Variants in CNTLN observed in about 807,000 individuals in gnomAD.
The protein encoded by CNTLN is centlein.
In CNTLN, 212 loss-of-function variants were observed where a neutral mutation model predicts 180.0. The ratio of observed to expected loss-of-function variants is 1.18; its 90% CI spans 1.05 to 1.32. The LOEUF is 1.32. Ranked by LOEUF, CNTLN falls within the 40% of genes most tolerant of loss-of-function variation. CNTLN has a pLI of 0.00. For synonymous variants in CNTLN, 722 were observed against 563.1 expected (o/e 1.28, Z -3.99); for missense variants, 2,095 against 1,610.9 (o/e 1.30, Z -5.14).
At chr9:17,373,872 A>G (rs1303247098) in intron 13 of CNTLN, among the ~76,000 whole-genome samples, 1 of 152,210 alleles carries the variant, frequency 6.6e-6, no homozygotes, top group African/African-American at 2.4e-5. Flanking sequence ...GGAAAAGGAC[A>G]GTCTCTTCAA....
intron 5 of CNTLN, among the ~76,000 whole-genome samples, chr9:17,271,057 T>A (rs1196470777): frequency 6.7e-6 from 1 of 149,490 alleles, no homozygotes; most frequent in Non-Finnish European, 1.5e-5. Context: ...TTCACACCAT[T>A]CTCCTGCCTC....
At chr9:17,239,345 A>G (rs1208947817) in intron 5 of CNTLN, among the ~76,000 whole-genome samples, 2 of 152,210 alleles carry the variant, frequency 1.3e-5, no homozygotes, top group Non-Finnish European at 2.9e-5. Flanking sequence ...TGTCTATTCA[A>G]ATCTTTTGTG....
intron 5 of CNTLN, among the ~76,000 whole-genome samples, chr9:17,268,069 G>C: frequency 6.6e-6 from 1 of 152,162 alleles, no homozygotes. Flanking sequence ...GCTTTGTTCC[G>C]TTGCTGGTGA....
At chr9:17,184,273 T>A (rs1223974391) in intron 2 of CNTLN, among the ~76,000 whole-genome samples, 3 of 152,158 alleles carry the variant, frequency 2.0e-5, no homozygotes, top group Non-Finnish European at 4.4e-5. Flanking sequence ...TCTTGCTATT[T>A]TGGAATTTGA....
At chr9:17,331,967 T>C (rs773678316) in intron 9 of CNTLN, among the ~76,000 whole-genome samples, 24 of 152,078 alleles carry the variant, frequency 1.6e-4, no homozygotes, top group Non-Finnish European at 2.1e-4. Context: ...TTTTCTTTCT[T>C]TTTGTAAGGC....
intron 25 of CNTLN, among the ~76,000 whole-genome samples, chr9:17,500,754 T>C (rs1833705438): frequency 6.6e-6 from 1 of 152,232 alleles, no homozygotes; most frequent in Non-Finnish European, 1.5e-5. Context: ...ACTCCCTTCT[T>C]GTATTTTCCT....
chr9:17,348,552 A>T (rs1463584989), intron 12 of CNTLN, among the ~76,000 whole-genome samples: 1 of 135,464 alleles, frequency 7.4e-6, no homozygotes. Context: ...TTTTTTTGAG[A>T]CGGAGTCTTG....
intron 6 of CNTLN, among the ~76,000 whole-genome samples, chr9:17,288,305 T>C (rs1829127228): frequency 8.5e-6 from 1 of 117,100 alleles, no homozygotes; most frequent in Admixed American, 8.3e-5. Flanking sequence ...AGTTTCCATG[T>C]AGTTGAGCGG....
chr9:17,518,276 T>A, the CNTLN span, among the ~76,000 whole-genome samples: 1 of 152,036 alleles, frequency 6.6e-6, no homozygotes, highest in African/African-American at 2.4e-5. Context: ...CTTGAACTCC[T>A]GACCTCGTGA....
intron 2 of CNTLN, among the ~76,000 whole-genome samples, chr9:17,147,621 G>A (rs180981656): frequency 2.0e-5 from 3 of 151,590 alleles, no homozygotes; most frequent in African/African-American, 7.3e-5. Context: ...ATTTATGGCT[G>A]CTGCTGTTGT....
intron 12 of CNTLN, among the ~76,000 whole-genome samples, chr9:17,357,579 C>T (rs1587759098): frequency 8.3e-6 from 1 of 120,914 alleles, no homozygotes; most frequent in Non-Finnish European, 1.7e-5. Context: ...ATAAATACTA[C>T]ATATATATAT....
At position 17,415,787 on chromosome 9, in the gene CNTLN, G is replaced by A. The variant is rs1828175753; in HGVS notation, c.2797-1G>A. On this transcript the variant is annotated splice_acceptor_variant, in intron 16 of 25. Transcript: ENST00000380647. LOFTEE classifies it high-confidence loss of function. ...CATTTTTATGAAATCTTCAAATTTA[G>A]GACTATTTTCATGATAAGAATGCCA... 1 of 1,561,134 alleles carries A rather than the reference G, an allele frequency of 6.4e-7. No homozygotes were observed. The highest frequency in any genetic ancestry group is 8.8e-7 in the Non-Finnish European group (1 of 1,134,800).
intron 18 of CNTLN, among the ~76,000 whole-genome samples, chr9:17,418,277 T>A (rs1337322441): frequency 6.6e-6 from 1 of 152,008 alleles, no homozygotes; most frequent in Non-Finnish European, 1.5e-5. Flanking sequence ...TAACTAGAAT[T>A]AGATTTAATT....
rs923093089 is a variant in CNTLN at position 17,249,959 on chromosome 9, G to C, written c.849+13371G>C. Among the ~76,000 whole-genome samples the C allele has an allele frequency of 6.0e-5, 9 of 149,158 alleles. No individual in the cohort carries two copies. In the Admixed American group the frequency reaches 6.1e-4, roughly 10 times the overall value. On this transcript the variant is annotated intron_variant, in intron 5 of 25. Transcript: ENST00000380647. ...AACCTTCCATGTAGATGCTTTTTCA[G>C]TTATTTAATGTGGAATATTGAATTT...
intron 19 of CNTLN, among the ~76,000 whole-genome samples, chr9:17,459,904 G>A (rs538149557): frequency 1.3e-4 from 19 of 151,720 alleles, no homozygotes; most frequent in African/African-American, 4.3e-4. Flanking sequence ...TGAGGGTTCG[G>A]TGAGAACTTC....
In CNTLN at chr9:17,135,460, C is replaced by G. The variant is rs184682560; in HGVS notation, c.360+35C>G. ...AGTCTCGCAGTCCCCCTTTCCCCACCACAGCGGGGCCGGGACCCGTGGGGA... is the reference window on the plus strand; with the variant it reads ...AGTCTCGCAGTCCCCCTTTCCCCACGACAGCGGGGCCGGGACCCGTGGGGA... On this transcript the variant is annotated intron_variant, in intron 1 of 25. Coordinates refer to ENST00000380647, the MANE Select transcript of CNTLN (RefSeq NM_017738.4). 405 of 1,565,166 alleles carry G rather than the reference C, an allele frequency of 2.6e-4. 4 individuals carry two copies. The African/African-American group carries it at 4.6e-3, about 18-fold the overall frequency.
chr9:17,243,111 T>C (rs1296139128), intron 5 of CNTLN, among the ~76,000 whole-genome samples: 1 of 152,210 alleles, frequency 6.6e-6, no homozygotes, highest in Admixed American at 6.5e-5. Flanking sequence ...TTGAATTTAT[T>C]AGCATATAGT....
rs75546467 is a variant in CNTLN, at chr9:17,198,052, A to G, written c.450-28151A>G. On this transcript the variant is annotated intron_variant, in intron 2 of 25. Coordinates refer to ENST00000380647, the MANE Select transcript of CNTLN (RefSeq NM_017738.4). ...TTGACAATGAGTTCACTGTAGATGT[A>G]TGCCTATATTTCTGAGTTCTGTATT... Among the ~76,000 whole-genome samples the G allele has an allele frequency of 5.2e-3, 790 of 152,184 alleles. 5 individuals carry two copies. Among genetic ancestry groups the G allele is most frequent in the African/African-American group, 0.018 (735 of 41,548 alleles).
chr9:17,142,202 G>A (rs542055852), intron 1 of CNTLN, among the ~76,000 whole-genome samples: 14 of 152,000 alleles, frequency 9.2e-5, no homozygotes, highest in African/African-American at 2.9e-4. Context: ...CTTTGAATGC[G>A]GCCTAACACA....
Sources: allele counts gnomAD v4.1 joint callset (sites outside exome capture counted in the v4.1 genomes callset), GRCh38; gene constraint gnomAD v4.1.1; transcripts MANE v1.5; gene names NCBI Gene and HGNC (gene_info 2026-07-23, HGNC 2026-07-21).